The following CELSR1 variants were observed in gnomAD, a reference collection of about 807,000 sequenced individuals.
CELSR1 encodes the protein adhesion G protein-coupled receptor C1.
In CELSR1, 110 loss-of-function variants were observed where a neutral mutation model predicts 249.1. The observed-to-expected ratio is 0.44, with a 90% CI of 0.38 to 0.52. CELSR1 has a LOEUF of 0.52. CELSR1 is among the 20% of genes least tolerant of loss of function. The pLI, the probability that CELSR1 is intolerant of heterozygous loss-of-function variation, is 0.00. For missense variants in CELSR1, 4,109 were observed against 4,296.4 expected, an observed-to-expected ratio of 0.96 and a Z score of 1.22; for synonymous variants, 2,113 against 1,900.0, an observed-to-expected ratio of 1.11 and a Z score of -2.92.
intron 20 of CELSR1, among the ~76,000 whole-genome samples, chr22:46,383,198 C>A (rs971423735): frequency 6.6e-6 from 1 of 152,022 alleles, no homozygotes; most frequent in African/African-American, 2.4e-5. Flanking sequence ...TCAAGCATGA[C>A]CCCACATCAG....
chr22:46,461,956 A>G (rs4823818), intron 2 of CELSR1, among the ~76,000 whole-genome samples: 24,623 of 152,206 alleles, frequency 0.16, 2,066 homozygotes, highest in Non-Finnish European at 0.18. Context: ...AAAGGGGAGG[A>G]AGGGGACCTG....
chr22:46,366,587 T>A, intron 29 of CELSR1, 107 bp from the exon 30 acceptor site: 1 of 907,690 alleles, frequency 1.1e-6, no homozygotes, highest in Non-Finnish European at 1.7e-6. Flanking sequence ...ACACCCTGGC[T>A]GGGCCCCTGC....
In CELSR1 at chr22:46,413,080, C is replaced by T. The variant is rs749599004; in HGVS notation, c.4612-1321G>A. ...TTCTGGGGTCAGTTTGAGTTTATAG[C>T]ATGATACAATCTCATGCTTCTTTAT... On this transcript the variant is annotated intron_variant, in intron 5 of 34. Transcript: ENST00000674500. This position sits in a 1 kb window ranked among gnomAD's most constrained non-coding sequence, Gnocchi z 4.7. Among the ~76,000 whole-genome samples the T allele has an allele frequency of 6.6e-6, 1 of 152,196 alleles. No individual in the cohort carries two copies. Among genetic ancestry groups the T allele is most frequent in the Non-Finnish European group, 1.5e-5 (1 of 68,038 alleles).
intron 27 of CELSR1, among the ~76,000 whole-genome samples, chr22:46,368,855 C>T (rs1216751410): frequency 1.3e-5 from 2 of 152,128 alleles, no homozygotes; most frequent in Non-Finnish European, 2.9e-5. Context: ...GTTTCATCTC[C>T]CCCACCCCAC....
chr22:46,498,390 G>A (rs536020807), intron 1 of CELSR1, among the ~76,000 whole-genome samples: 35 of 149,366 alleles, frequency 2.3e-4, no homozygotes, highest in Admixed American at 4.0e-4. Context: ...CGGATGGATC[G>A]CCTGAGGTCA....
intron 24 of CELSR1, among the ~76,000 whole-genome samples, chr22:46,376,631 A>G (rs1177915009): frequency 1.3e-5 from 2 of 152,128 alleles, no homozygotes; most frequent in East Asian, 3.8e-4. Context: ...CAGCCTCCCA[A>G]AGGGATCCTG....
chr22:46,382,111 G>A (rs182588801), intron 20 of CELSR1, 61 bp from the exon 21 acceptor site: 69 of 1,407,384 alleles, frequency 4.9e-5, no homozygotes, highest in East Asian at 1.5e-4. Context: ...CAAGACTGCC[G>A]TCAGTGCCAG....
At chr22:46,386,656 C>G in intron 18 of CELSR1, 71 bp from the exon 19 acceptor site, 2 of 1,342,126 alleles carry the variant, frequency 1.5e-6, no homozygotes, top group Non-Finnish European at 2.0e-6. Flanking sequence ...GACACCTGCC[C>G]TGAAAGCCTT....
Position 46,396,770 on chromosome 22 carries a change from C to T in CELSR1, c.5702-24G>A. The T allele has an allele frequency of 2.5e-6, 4 of 1,607,182 alleles. No individual in the cohort carries two copies. Among genetic ancestry groups the T allele is most frequent in the Admixed American group, 1.7e-5 (1 of 59,092 alleles). The stretch of plus-strand genomic sequence containing the variant: ...CCCTGCAAGGACAGAGCCAGCATTA[C>T]CTCCACCCACAATCCACGAGACCTT... On this transcript the variant is annotated intron_variant, in intron 12 of 34. Transcript: ENST00000674500. This position sits in a 1 kb window ranked among gnomAD's most constrained non-coding sequence, Gnocchi z 6.4.
Position 46,518,781 on chromosome 22 carries a change from C to T in CELSR1, c.3544+14846G>A, listed in dbSNP as rs1171722843. On this transcript the variant is annotated intron_variant, in intron 1 of 34. Transcript: ENST00000674500. The surrounding 1 kb of genome is among the most constrained non-coding windows in gnomAD (Gnocchi z 5.2). ...CTGGGCGCGGTGGCTCGCCTGTAAT[C>T]CAGCACTTTGGGAGGCCAAGGCGGG... Among the ~76,000 whole-genome samples the T allele has an allele frequency of 6.6e-6, 1 of 151,974 alleles. No individual in the cohort carries two copies. The highest frequency in any genetic ancestry group is 2.4e-5 in the African/African-American group (1 of 41,348).
intron 1 of CELSR1, among the ~76,000 whole-genome samples, chr22:46,514,698 G>A (rs1264889247): frequency 6.6e-6 from 1 of 152,170 alleles, no homozygotes; most frequent in Non-Finnish European, 1.5e-5. Flanking sequence ...GGGAGCCGGG[G>A]CTGCAGGGCC....
At position 46,534,438 on chromosome 22, in the gene CELSR1, G is replaced by A. The variant is rs1273132935; in HGVS notation, c.2733C>T (p.Ile911=). The change falls in exon 1 of 35, where the codon ATC becomes ATT. Residue 911 remains isoleucine (I), a synonymous_variant. Coordinates refer to ENST00000674500, the MANE Select transcript of CELSR1 (RefSeq NM_001378328.1). The surrounding 1 kb of genome is among the most constrained non-coding windows in gnomAD (Gnocchi z 9.7). Reference sequence around the variant, plus strand: ...CCCGGTCCGTGGCAGAGACCTGGAGGATGCTGGTCGAGGGTGGAGCATCCT... The same window carrying A: ...CCCGGTCCGTGGCAGAGACCTGGAGAATGCTGGTCGAGGGTGGAGCATCCT... ...IFEDAPPSTS[I]LQVSATDRDS... 6.2e-7 allele frequency: 1 copy of A among 1,612,992 alleles called. No individual in the cohort carries two copies. Among genetic ancestry groups the A allele is most frequent in the South Asian group, 1.1e-5 (1 of 91,072 alleles).
At chr22:46,387,109 G>A (rs978086208) in intron 18 of CELSR1, among the ~76,000 whole-genome samples, 4 of 152,144 alleles carry the variant, frequency 2.6e-5, no homozygotes, top group African/African-American at 9.7e-5. Context: ...ATAAAAAAAT[G>A]TTACTAAGCT....
At position 46,428,272 on chromosome 22, in the gene CELSR1, C is replaced by T. The variant is rs1289884019; in HGVS notation, c.4611+5121G>A. On this transcript the variant is annotated intron_variant, in intron 5 of 34. Coordinates refer to ENST00000674500, the MANE Select transcript of CELSR1 (RefSeq NM_001378328.1). The surrounding 1 kb of genome is among the most constrained non-coding windows in gnomAD (Gnocchi z 5.7). ...GGAAGCCAAATTGCCGAGGCAGAGT[C>T]CCAAGGACTCCAGCAGCCAGCTCAG... 2.0e-5 allele frequency among the ~76,000 whole-genome samples: 3 copies of T among 152,356 alleles called. No individual in the cohort carries two copies. The highest frequency in any genetic ancestry group is 2.0e-4 in the Admixed American group (3 of 15,308).
At position 46,378,720 on chromosome 22, in the gene CELSR1, G is replaced by T. The variant is rs765151330; in HGVS notation, c.7257-3C>A. 1 of 1,612,058 alleles carries T rather than the reference G, an allele frequency of 6.2e-7. No individual in the cohort carries two copies. The highest frequency in any genetic ancestry group is 1.7e-5 in the Admixed American group (1 of 59,988). On this transcript the variant is annotated splice_polypyrimidine_tract_variant and splice_region_variant and intron_variant, in intron 22 of 34. Transcript: ENST00000674500. ...ACCACCCTCCCGTCCCACCAACGCTGCGGAGAGGACAGAGAAGGGGCAGGG... is the reference window on the plus strand; with the variant it reads ...ACCACCCTCCCGTCCCACCAACGCTTCGGAGAGGACAGAGAAGGGGCAGGG...
chr22:46,443,297 C>G (rs1302018535), intron 2 of CELSR1, among the ~76,000 whole-genome samples: 2 of 152,220 alleles, frequency 1.3e-5, no homozygotes, highest in African/African-American at 2.4e-5. Context: ...CAGGCACAGG[C>G]CAGGGGGGTG....
intron 2 of CELSR1, among the ~76,000 whole-genome samples, chr22:46,461,394 T>TC (rs1220478816): frequency 6.6e-6 from 1 of 152,100 alleles, no homozygotes; most frequent in Non-Finnish European, 1.5e-5. Context: ...GAAGGTGGGT[T>TC]CCCCCCAATG....
rs199879633 is a variant in CELSR1, at chr22:46,365,214, G to A, written c.8554+17C>T. The A allele has an allele frequency of 1.4e-5, 23 of 1,608,594 alleles. No homozygotes were observed. In the Admixed American group the frequency reaches 3.0e-4, roughly 21 times the overall value. On this transcript the variant is annotated intron_variant, in intron 32 of 34. Transcript: ENST00000674500. ...TGTCCACAGCCCAGCCTGGCCCAAT[G>A]TGCCCCACACACTCACCTTTGGGGG...
Position 46,468,594 on chromosome 22 carries a change from G to A in CELSR1, c.3545-4249C>T, listed in dbSNP as rs915744491. Among the ~76,000 whole-genome samples, 11 of 152,078 alleles carry A rather than the reference G, an allele frequency of 7.2e-5. No homozygotes were observed. Among genetic ancestry groups the A allele is most frequent in the Admixed American group, 5.9e-4 (9 of 15,244 alleles). On this transcript the variant is annotated intron_variant, in intron 1 of 34. Coordinates refer to ENST00000674500, the MANE Select transcript of CELSR1 (RefSeq NM_001378328.1). The surrounding 1 kb of genome is among the most constrained non-coding windows in gnomAD (Gnocchi z 4.5). The stretch of plus-strand genomic sequence containing the variant: ...CAGAAAGTAGAATGATGGGTGCCAC[G>A]GGTGGGGAGGCAGATTGGGGAGCTG...
Sources: gnomAD v4.1 joint callset for allele counts (sites outside exome capture counted in the v4.1 genomes callset) on GRCh38, gnomAD v4.1.1 for gene constraint, Gnocchi (gnomAD v3.1) non-coding constraint, MANE v1.5 for transcripts, NCBI Gene and HGNC (gene_info 2026-07-23, HGNC 2026-07-21) for gene names.